Variants in COL22A1 observed in about 807,000 individuals in gnomAD.
The protein encoded by COL22A1 is collagen alpha-1(XXII) chain.
In COL22A1, 221 loss-of-function variants were observed where a neutral mutation model predicts 248.9. That is an observed-to-expected ratio of 0.89 (90% CI 0.80 to 0.99). The LOEUF (loss-of-function observed/expected upper bound fraction) is 0.99. Among genes scored for constraint, COL22A1 ranks in the 50% least tolerant of loss-of-function variants. The probability of loss-of-function intolerance (pLI) is 0.00; values close to 1 mark genes in which losing one functional copy is unlikely to be tolerated. For missense variants in COL22A1, 2,240 were observed against 2,179.0 expected (o/e 1.03, Z -0.56); for synonymous variants, 891 against 793.4 (o/e 1.12, Z -2.07).
rs372780159 is a variant in COL22A1, at chr8:138,779,573, A to G, written c.1651-11T>C. 41 of 1,608,030 alleles carry G rather than the reference A, an allele frequency of 2.5e-5. No individual in the cohort carries two copies. Among genetic ancestry groups the G allele is most frequent in the South Asian group, 2.2e-4 (20 of 90,988 alleles). On this transcript the variant is annotated splice_polypyrimidine_tract_variant and intron_variant, in intron 13 of 64. Transcript: ENST00000303045. ...CTCTCCTGGCTCCCCCTGAACAAAC[A>G]AAACAACACAAAGTCATAGGCAGTG...
intron 30 of COL22A1, among the ~76,000 whole-genome samples, chr8:138,704,076 G>C (rs553861635): frequency 6.6e-6 from 1 of 152,330 alleles, no homozygotes; most frequent in South Asian, 2.1e-4. Flanking sequence ...GAGGCTGGGG[G>C]AGGGGCGCCC....
rs115893591 is a variant in COL22A1 at position 138,877,044 on chromosome 8, C to T, written c.658+706G>A. Reference sequence around the variant, plus strand: ...GGGAGGGCGCTGTCCTCAGAATGACCCCCACTAAATCCTGGAGGTCAGGCT... The same window carrying T: ...GGGAGGGCGCTGTCCTCAGAATGACTCCCACTAAATCCTGGAGGTCAGGCT... On this transcript the variant is annotated intron_variant, in intron 3 of 64. Transcript: ENST00000303045. 7.9e-3 allele frequency among the ~76,000 whole-genome samples: 1,199 copies of T among 152,294 alleles called. 20 individuals are homozygous for T. Among genetic ancestry groups the T allele is most frequent in the African/African-American group, 0.027 (1,131 of 41,570 alleles).
intron 5 of COL22A1, among the ~76,000 whole-genome samples, chr8:138,827,615 T>A (rs1819698235): frequency 6.6e-6 from 1 of 151,960 alleles, no homozygotes; most frequent in African/African-American, 2.4e-5. Context: ...CAGGGAGGCC[T>A]CAGCTCCCTG....
chr8:138,685,460 G>A, intron 37 of COL22A1, 148 bp from the exon 38 acceptor site: 1 of 710,060 alleles, frequency 1.4e-6, no homozygotes, highest in Non-Finnish European at 2.5e-6. Flanking sequence ...CAGAAAGATG[G>A]ACTGTGTAAT....
chr8:138,597,179 G>A (rs182005221), intron 61 of COL22A1, among the ~76,000 whole-genome samples: 41 of 152,246 alleles, frequency 2.7e-4, no homozygotes, highest in Admixed American at 9.2e-4. Context: ...ACAGCAACCC[G>A]GACTCTGGGC....
chr8:138,838,642 G>T (rs1184865747), intron 4 of COL22A1, among the ~76,000 whole-genome samples: 1 of 133,734 alleles, frequency 7.5e-6, no homozygotes, highest in Non-Finnish European at 1.6e-5. Flanking sequence ...GAACAACAAG[G>T]AATTAACTAG....
At position 138,807,525 on chromosome 8, in the gene COL22A1, G is replaced by C. The variant is rs140119540; in HGVS notation, c.1494+243C>G. Among the ~76,000 whole-genome samples, 14 of 152,326 alleles carry C rather than the reference G, an allele frequency of 9.2e-5. No homozygotes were observed. In the East Asian group the frequency reaches 2.7e-3, roughly 29 times the overall value. Reference sequence around the variant, plus strand: ...TGGAGCAAATGAGACCTGAGCCAGGGCTCTGGGAATCTAACCCTTTCTTGC... The same window carrying C: ...TGGAGCAAATGAGACCTGAGCCAGGCCTCTGGGAATCTAACCCTTTCTTGC... On this transcript the variant is annotated intron_variant, in intron 10 of 64. Transcript: ENST00000303045.
At chr8:138,679,219 T>C (rs139769368) in intron 40 of COL22A1, among the ~76,000 whole-genome samples, 1 of 152,350 alleles carries the variant, frequency 6.6e-6, no homozygotes, top group East Asian at 1.9e-4. Flanking sequence ...TAAACACATA[T>C]AAATGTCAGA....
At chr8:138,817,124 G>C (rs999265862) in intron 7 of COL22A1, among the ~76,000 whole-genome samples, 1 of 152,220 alleles carries the variant, frequency 6.6e-6, no homozygotes, top group Non-Finnish European at 1.5e-5. Flanking sequence ...TTTTAGTCTA[G>C]TTTAGTAGAC....
chr8:138,794,925 C>T (rs1344528185), intron 12 of COL22A1, among the ~76,000 whole-genome samples: 1 of 152,002 alleles, frequency 6.6e-6, no homozygotes, highest in South Asian at 2.1e-4. Flanking sequence ...TGGGGAGATG[C>T]CAATTAATGG....
At chr8:138,606,666 C>T (rs1818450552) in intron 57 of COL22A1, among the ~76,000 whole-genome samples, 1 of 152,092 alleles carries the variant, frequency 6.6e-6, no homozygotes, top group African/African-American at 2.4e-5. Flanking sequence ...TGAGGTCTCC[C>T]TGTAAACAGC....
chr8:138,688,336 C>T (rs887229954), intron 37 of COL22A1, among the ~76,000 whole-genome samples: 1 of 151,978 alleles, frequency 6.6e-6, no homozygotes, highest in Non-Finnish European at 1.5e-5. Context: ...GCCTGAGCAA[C>T]ATGGTAAAAC....
chr8:138,596,282 T>C (rs149508458), intron 62 of COL22A1, among the ~76,000 whole-genome samples: 1 of 152,334 alleles, frequency 6.6e-6, no homozygotes, highest in East Asian at 1.9e-4. Flanking sequence ...GAAAGGATTT[T>C]AGTTCCTTGA....
chr8:138,874,039 T>C (rs963014763), intron 3 of COL22A1, among the ~76,000 whole-genome samples: 2 of 152,254 alleles, frequency 1.3e-5, no homozygotes, highest in Non-Finnish European at 2.9e-5. Flanking sequence ...GTTCAAATTC[T>C]GCCATGCTGC....
chr8:138,664,888 T>C (rs148402386), intron 41 of COL22A1, among the ~76,000 whole-genome samples: 6 of 152,268 alleles, frequency 3.9e-5, no homozygotes, highest in Middle Eastern at 3.4e-3. Flanking sequence ...AGACCTGCCC[T>C]AGCAACGCCA....
chr8:138,615,530 C>CAAA (rs11329956), intron 55 of COL22A1, among the ~76,000 whole-genome samples: 1 of 120,266 alleles, frequency 8.3e-6, no homozygotes, highest in African/African-American at 3.2e-5. Flanking sequence ...GACTCCATCT[C>CAAA]AAAAAAAAAA....
intron 5 of COL22A1, among the ~76,000 whole-genome samples, chr8:138,831,882 G>T (rs891668231): frequency 6.6e-6 from 1 of 152,202 alleles, no homozygotes; most frequent in Non-Finnish European, 1.5e-5. Context: ...TCTTAAACAG[G>T]AGCTGGGTAA....
intron 47 of COL22A1, among the ~76,000 whole-genome samples, chr8:138,643,247 G>A (rs1472739855): frequency 2.0e-5 from 3 of 152,080 alleles, no homozygotes; most frequent in African/African-American, 7.2e-5. Flanking sequence ...ATCTAACACT[G>A]CCCCGGGCAA....
chr8:138,804,095 C>T (rs1353983729), intron 10 of COL22A1, among the ~76,000 whole-genome samples: 2 of 152,208 alleles, frequency 1.3e-5, no homozygotes, highest in East Asian at 1.9e-4. Flanking sequence ...CTCTTTCCTG[C>T]TCCCTTCCCC....
Sources: allele counts gnomAD v4.1 joint callset (sites outside exome capture counted in the v4.1 genomes callset), GRCh38; gene constraint gnomAD v4.1.1; transcripts MANE v1.5; gene names NCBI Gene and HGNC (gene_info 2026-07-23, HGNC 2026-07-21).